Variants in MORC1 observed in about 807,000 individuals in gnomAD.
MORC1 encodes MORC family CW-type zinc finger 1, also known as MORC family CW-type zinc finger protein 1.
MORC1 carries 59 observed loss-of-function variants against 134.9 expected under a neutral mutation model. The observed-to-expected ratio is 0.44, with a 90% confidence interval of 0.35 to 0.54. The LOEUF is 0.54. Among genes scored for constraint, MORC1 ranks in the 20% least tolerant of loss-of-function variants. MORC1 has a pLI of 0.00. For missense variants in MORC1, 947 were observed against 1,134.5 expected, an observed-to-expected ratio of 0.83 and a Z score of 2.37; for synonymous variants, 395 against 391.7, an observed-to-expected ratio of 1.01 and a Z score of -0.10.
chr3:109,005,745 C>T (rs973221122), intron 18 of MORC1, among the ~76,000 whole-genome samples: 6 of 152,182 alleles, frequency 3.9e-5, no homozygotes, highest in Non-Finnish European at 8.8e-5. Context: ...ATACATGTGC[C>T]TGCTTGTTAG....
At chr3:109,073,562 A>G (rs1230939075) in intron 8 of MORC1, among the ~76,000 whole-genome samples, 6 of 152,292 alleles carry the variant, frequency 3.9e-5, no homozygotes, top group Admixed American at 3.9e-4. Context: ...CACACTGGGC[A>G]CACAGACAAC....
chr3:108,958,918 T>C lies in MORC1; in HGVS notation c.*47A>G. 7.6e-7 allele frequency: 1 copy of C among 1,314,962 alleles called. No individual in the cohort carries two copies. Among genetic ancestry groups the C allele is most frequent in the Non-Finnish European group, 1.0e-6 (1 of 990,488 alleles). 81.5% of individuals were successfully genotyped at this position (1,314,962 alleles called of 1,614,324 possible). ...AAAAGAAAAATTTTTAAAAGAATCT[T>C]CCAATTTTCTTATTAGCATTTTTTA... is the stretch of plus-strand genomic sequence containing the variant. On this transcript the variant is annotated 3_prime_UTR_variant, in exon 28 of 28. Coordinates refer to ENST00000232603, the MANE Select transcript of MORC1 (RefSeq NM_014429.4).
rs145046251 is a variant in MORC1 at position 109,069,748 on chromosome 3, C to T, written c.699G>A (p.Ala233=). Residue 233 remains alanine (A), a synonymous_variant, in exon 9 of 28, where the codon GCG becomes GCA. Coordinates refer to ENST00000232603, the MANE Select transcript of MORC1 (RefSeq NM_014429.4). ...ATGTGTAGGCTCTGAATGACCACCT[C>T]GCTGGGAAACTGAAATAGAAAATAC... The part of the protein sequence containing the change: ...LMAGALEDFP[A]RWSFRAYTSV... 4.8e-4 allele frequency: 766 copies of T among 1,606,276 alleles called. 2 individuals carry two copies. The highest frequency in any genetic ancestry group is 6.2e-4 in the Non-Finnish European group (732 of 1,175,276).
At chr3:109,040,912 AG>A (rs1949528934) in intron 14 of MORC1, among the ~76,000 whole-genome samples, 1 of 152,010 alleles carries the variant, frequency 6.6e-6, no homozygotes, top group Non-Finnish European at 1.5e-5. Context: ...AATATCATAA[AG>A]AAATATAGAA....
chr3:109,043,725 T>C (rs1949615661), intron 14 of MORC1, among the ~76,000 whole-genome samples: 1 of 152,212 alleles, frequency 6.6e-6, no homozygotes, highest in Admixed American at 6.5e-5. Context: ...TTTATAATTC[T>C]GCATGTCTTC....
At chr3:109,100,899 AG>A (rs1462463685) in intron 4 of MORC1, among the ~76,000 whole-genome samples, 2 of 152,224 alleles carry the variant, frequency 1.3e-5, no homozygotes, top group East Asian at 3.8e-4. Flanking sequence ...TAAAGTATAC[AG>A]GAGGATATAT....
intron 15 of MORC1, 125 bp downstream of exon 15, chr3:109,035,215 A>G: frequency 1.2e-6 from 1 of 854,088 alleles, no homozygotes; most frequent in South Asian, 1.8e-5. Flanking sequence ...TTTCTTCCAG[A>G]CTGTAAACTC....
chr3:109,016,155 T>C (rs1436975729), intron 17 of MORC1, among the ~76,000 whole-genome samples: 1 of 152,210 alleles, frequency 6.6e-6, no homozygotes, highest in Non-Finnish European at 1.5e-5. Context: ...TAGTGTTGTA[T>C]CACACTGAAA....
At chr3:109,075,552 G>A (rs1203139749) in intron 8 of MORC1, among the ~76,000 whole-genome samples, 5 of 152,132 alleles carry the variant, frequency 3.3e-5, no homozygotes, top group Admixed American at 3.3e-4. Flanking sequence ...TTATTAAATA[G>A]GGAATCCTTT....
chr3:109,000,023 G>A (rs1428291299), intron 21 of MORC1, among the ~76,000 whole-genome samples: 2 of 152,098 alleles, frequency 1.3e-5, no homozygotes, highest in Admixed American at 6.6e-5. Context: ...AAAGCAACTC[G>A]ATTCTACAGA....
chr3:108,958,976 A>T lies in MORC1; in HGVS notation c.2944T>A (p.Ser982Thr). The T allele has an allele frequency of 6.7e-7, 1 of 1,493,128 alleles. No individual in the cohort carries two copies. The highest frequency in any genetic ancestry group is 8.9e-7 in the Non-Finnish European group (1 of 1,120,856). 92.5% of individuals were successfully genotyped at this position (1,493,128 alleles called of 1,614,324 possible). Residue 982 changes from serine (S) to threonine (T), a missense_variant, in exon 28 of 28, where the codon TCG (serine) becomes ACG (threonine). Around this residue, in one of 3 missense-constraint regions of MORC1, gnomAD observed 722 missense variants for 817.0 expected, o/e 0.88. Transcript: ENST00000232603. ...ATACCATCTCTGACTTAATTTTCCG[A>T]AGTCTTTTCATTTTTTTCTAAAGGG... is the stretch of plus-strand genomic sequence containing the variant. The part of the protein sequence containing the change: ...RLPLEKNEKT[S>T]EN
intron 24 of MORC1, among the ~76,000 whole-genome samples, chr3:108,977,991 C>T (rs1947609566): frequency 6.6e-6 from 1 of 152,130 alleles, no homozygotes. Context: ...CATTCTCCTG[C>T]CTCAGCCTCC....
chr3:109,090,792 A>C (rs1559946486), intron 8 of MORC1, among the ~76,000 whole-genome samples: 2 of 152,226 alleles, frequency 1.3e-5, no homozygotes, highest in East Asian at 3.9e-4. Context: ...CTAATATCTA[A>C]GACCAAACCT....
At chr3:108,969,608 T>C in intron 26 of MORC1, 61 bp downstream of exon 26, 1 of 1,483,562 alleles carries the variant, frequency 6.7e-7, no homozygotes, top group Non-Finnish European at 9.4e-7. Context: ...ATGTACATTA[T>C]TTATCCTTTC....
intron 20 of MORC1, among the ~76,000 whole-genome samples, 185 bp downstream of exon 20, chr3:109,004,632 T>C (rs1948493505): frequency 6.6e-6 from 1 of 152,212 alleles, no homozygotes; most frequent in Non-Finnish European, 1.5e-5. Flanking sequence ...AACATGACTC[T>C]CAACACTTAG....
At position 109,005,184 on chromosome 3, in the gene MORC1, C is replaced by A; in HGVS notation, c.1899G>T (p.Glu633Asp). 1 of 1,613,962 alleles carries A rather than the reference C, an allele frequency of 6.2e-7. No homozygotes were observed. The highest frequency in any genetic ancestry group is 8.5e-7 in the Non-Finnish European group (1 of 1,179,970). Residue 633 changes from glutamate to aspartate, a missense_variant, in exon 19 of 28, where the codon GAG becomes GAT. Glu to Asp is a conservative substitution (Grantham distance 45, BLOSUM62 2). Coordinates refer to ENST00000232603, the MANE Select transcript of MORC1 (RefSeq NM_014429.4). ...RNIEETDSDV[E>D]YISETKIMKK... ...TCATAATTTTTGTTTCTGAAATATA[C>A]TCTACATCAGAGTCTGTCTCTTCTA...
intron 17 of MORC1, among the ~76,000 whole-genome samples, chr3:109,012,269 T>C (rs1217310779): frequency 6.6e-6 from 1 of 152,184 alleles, no homozygotes; most frequent in Non-Finnish European, 1.5e-5. Flanking sequence ...TACATGTGGG[T>C]CTATTTCTAA....
chr3:109,099,034 T>C (rs1034326796), intron 6 of MORC1, among the ~76,000 whole-genome samples: 5 of 152,102 alleles, frequency 3.3e-5, no homozygotes, highest in Non-Finnish European at 7.4e-5. Context: ...ATTTTATTTA[T>C]TTTTAAAATG....
At chr3:109,116,129 C>A (rs1951268387) in intron 1 of MORC1, among the ~76,000 whole-genome samples, 1 of 152,138 alleles carries the variant, frequency 6.6e-6, no homozygotes. Flanking sequence ...GGCTTCCTAG[C>A]CCACAGAGAA....
Sources: gnomAD v4.1 joint callset for allele counts (sites outside exome capture counted in the v4.1 genomes callset) on GRCh38, gnomAD v4.1.1 for gene constraint, gnomAD v4.1.1 regional missense constraint, MANE v1.5 for transcripts, NCBI Gene and HGNC (gene_info 2026-07-23, HGNC 2026-07-21) for gene names.